The following DARS1 variants were observed in gnomAD, a reference collection of about 807,000 sequenced individuals.
DARS1 encodes aspartate--tRNA ligase, cytoplasmic.
DARS1 carries 51 observed loss-of-function variants against 68.8 expected under a neutral mutation model. The ratio of observed to expected loss-of-function variants is 0.74; its 90% CI spans 0.59 to 0.94. The LOEUF is 0.94. Ranked by LOEUF, DARS1 falls within the 40% of genes least tolerant of loss-of-function variation. The pLI, the probability that DARS1 is intolerant of heterozygous loss-of-function variation, is 0.00. For synonymous variants in DARS1, 203 were observed against 190.4 expected (o/e 1.07, Z -0.55); for missense variants, 607 against 597.3 (o/e 1.02, Z -0.17).
At position 135,922,931 on chromosome 2, in the gene DARS1, CATTT is replaced by C. The variant is rs1214484208; in HGVS notation, c.677-17_677-14del. On this transcript the variant is annotated splice_polypyrimidine_tract_variant and intron_variant, in intron 8 of 15. Coordinates refer to ENST00000264161, the MANE Select transcript of DARS1 (RefSeq NM_001349.4). ...CCTTCACTGGCAGCTGAAAGGTAAACATTTATATTTATATTATTATAATCAATTG... is the reference window on the plus strand; with the variant it reads ...CCTTCACTGGCAGCTGAAAGGTAAACATATTTATATTATTATAATCAATTG... 6.6e-7 allele frequency: 1 copy of C among 1,522,482 alleles called. No homozygotes were observed. The highest frequency in any genetic ancestry group is 8.8e-7 in the Non-Finnish European group (1 of 1,141,422). 94.3% of individuals were successfully genotyped at this position (1,522,482 alleles called of 1,614,324 possible). A position where few individuals can be genotyped will look rare whatever the true frequency, so the allele number is the denominator to read the frequency against.
chr2:135,914,348 C>T (rs916638129), intron 12 of DARS1, 121 bp downstream of exon 12: 18 of 688,706 alleles, frequency 2.6e-5, no homozygotes, highest in African/African-American at 1.2e-4. Flanking sequence ...TGTCCTTCTT[C>T]GGTTTTTATT....
At position 135,907,242 on chromosome 2, in the gene DARS1, C is replaced by CTTTTTTTTTTTTT. The variant is rs992435404; in HGVS notation, c.*61_*73dup. The CTTTTTTTTTTTTT allele has an allele frequency of 0.013, 5,852 of 452,616 alleles. 427 individuals carry two copies. Among genetic ancestry groups the CTTTTTTTTTTTTT allele is most frequent in the Admixed American group, 0.027 (591 of 21,586 alleles). The allele number at this position is 452,616 out of a possible 1,614,324, so 28.0% of individuals were successfully genotyped here. A position where few individuals can be genotyped will look rare whatever the true frequency, so the allele number is the denominator to read the frequency against. ...TACTGAAAAGAATAAGTGTGGCTTT[C>CTTTTTTTTTTTTT]TTTTTTTTTTTTTTTTTTTGAGGCA... On this transcript the variant is annotated 3_prime_UTR_variant, in exon 16 of 16. Transcript: ENST00000264161.
intron 5 of DARS1, among the ~76,000 whole-genome samples, chr2:135,934,852 T>C (rs1681432785): frequency 6.7e-6 from 1 of 148,878 alleles, no homozygotes; most frequent in Admixed American, 6.8e-5. Context: ...TGGAGTGCAA[T>C]GGTGTGGTCT....
At chr2:135,950,830 G>C (rs1681824262) in intron 4 of DARS1, among the ~76,000 whole-genome samples, 1 of 152,128 alleles carries the variant, frequency 6.6e-6, no homozygotes, top group Non-Finnish European at 1.5e-5. Flanking sequence ...ACTCTAGCCT[G>C]GTGTTAGATG....
chr2:135,909,505 ACT>A (rs936202858), intron 15 of DARS1, among the ~76,000 whole-genome samples: 3 of 152,160 alleles, frequency 2.0e-5, no homozygotes, highest in Non-Finnish European at 4.4e-5. Context: ...TTTAAAATCT[ACT>A]CTTTTAGCAA....
rs778980479 is a variant in DARS1, at chr2:135,932,854, AAAAAAG to A, written c.505-18_505-13del. ...GTAGCTCTTCCTTCCTAAAAAAAAA[AAAAAAG>A]AAAAGAAAAAAATAAATTTTACTAA... On this transcript the variant is annotated splice_polypyrimidine_tract_variant and intron_variant, in intron 6 of 15. Coordinates refer to ENST00000264161, the MANE Select transcript of DARS1 (RefSeq NM_001349.4). The A allele has an allele frequency of 5.1e-6, 6 of 1,185,798 alleles. No homozygotes were observed. In the South Asian group the frequency reaches 8.2e-5, roughly 16 times the overall value. The allele number at this position is 1,185,798 out of a possible 1,614,324, so 73.5% of individuals were successfully genotyped here.
At chr2:135,958,887 G>A (rs1050907162) in intron 4 of DARS1, among the ~76,000 whole-genome samples, 1 of 151,668 alleles carries the variant, frequency 6.6e-6, no homozygotes, top group Non-Finnish European at 1.5e-5. Flanking sequence ...TTATAATTTG[G>A]AACAGCTCAA....
intron 5 of DARS1, among the ~76,000 whole-genome samples, chr2:135,939,594 A>G (rs891447061): frequency 6.6e-6 from 1 of 152,220 alleles, no homozygotes; most frequent in African/African-American, 2.4e-5. Flanking sequence ...ATCACAATTA[A>G]AAGAACTAGA....
intron 14 of DARS1, 57 bp downstream of exon 14, chr2:135,911,325 T>C: frequency 1.2e-6 from 1 of 854,444 alleles, no homozygotes; most frequent in Non-Finnish European, 2.0e-6. Flanking sequence ...CTTTTAAATG[T>C]TTACAATGTA....
At position 135,940,072 on chromosome 2, in the gene DARS1, C is replaced by A. The variant is rs138768298; in HGVS notation, c.423+3306G>T. 8.4e-3 allele frequency among the ~76,000 whole-genome samples: 1,279 copies of A among 152,250 alleles called. 14 individuals are homozygous for A. The highest frequency in any genetic ancestry group is 0.027 in the African/African-American group (1,135 of 41,538). ...AGACGGATTCACAACTGAATTCTAC[C>A]AGAGATACAAAGAGGAGCTGGTACC... On this transcript the variant is annotated intron_variant, in intron 5 of 15. Transcript: ENST00000264161.
intron 7 of DARS1, among the ~76,000 whole-genome samples, chr2:135,926,201 TCAA>T (rs2104804851): frequency 6.6e-6 from 1 of 152,316 alleles, no homozygotes; most frequent in East Asian, 1.9e-4. Flanking sequence ...TAAACTCACT[TCAA>T]CATCTTGCTA....
intron 7 of DARS1, among the ~76,000 whole-genome samples, chr2:135,930,934 G>T (rs1681328437): frequency 6.6e-6 from 1 of 152,178 alleles, no homozygotes; most frequent in Non-Finnish European, 1.5e-5. Flanking sequence ...TGAGTGCTAT[G>T]TATGAAAAGG....
chr2:135,907,863 C>T (rs951980555), intron 15 of DARS1, among the ~76,000 whole-genome samples: 7 of 151,998 alleles, frequency 4.6e-5, no homozygotes, highest in East Asian at 3.9e-4. Context: ...GTGGACCCTA[C>T]GATAAAAAGC....
Position 135,952,302 on chromosome 2 carries a change from G to C in DARS1, c.321-8822C>G, listed in dbSNP as rs185172051. The stretch of plus-strand genomic sequence containing the variant: ...TTTTTTTTTAAATTGACACATAATT[G>C]TACATATTTATGAGGTACAGTGTGA... On this transcript the variant is annotated intron_variant, in intron 4 of 15. Transcript: ENST00000264161. Among the ~76,000 whole-genome samples the C allele has an allele frequency of 4.6e-4, 70 of 151,780 alleles. 3 individuals carry two copies. The East Asian group carries it at 8.5e-3, about 18-fold the overall frequency.
rs79121686 is a variant in DARS1 at position 135,937,296 on chromosome 2, T to C, written c.424-3306A>G. 7.6e-3 allele frequency among the ~76,000 whole-genome samples: 1,162 copies of C among 152,144 alleles called. 98 individuals are homozygous for C. In the East Asian group the frequency reaches 0.2, roughly 26 times the overall value. ...TAGAAACAAGGTTTCGCCATGTTGA[T>C]CAGGCTGGTTTTGAACTCCTGACCT... On this transcript the variant is annotated intron_variant, in intron 5 of 15. Transcript: ENST00000264161.
chr2:135,928,384 T>C (rs1681268506), intron 7 of DARS1, among the ~76,000 whole-genome samples: 1 of 152,142 alleles, frequency 6.6e-6, no homozygotes, highest in Non-Finnish European at 1.5e-5. Flanking sequence ...AAAAATCAGA[T>C]TTATGTAGAA....
chr2:135,929,507 C>T (rs1681296726), intron 7 of DARS1, among the ~76,000 whole-genome samples: 1 of 152,054 alleles, frequency 6.6e-6, no homozygotes, highest in African/African-American at 2.4e-5. Flanking sequence ...TATTGTATAG[C>T]TATTAAAATA....
intron 12 of DARS1, 109 bp downstream of exon 12, chr2:135,914,360 A>G: frequency 2.8e-6 from 2 of 713,426 alleles, no homozygotes; most frequent in Non-Finnish European, 4.9e-6. Context: ...GTTTTTATTT[A>G]TTCCAGAATC....
At chr2:135,909,538 A>G (rs1680854930) in intron 15 of DARS1, among the ~76,000 whole-genome samples, 1 of 152,186 alleles carries the variant, frequency 6.6e-6, no homozygotes, top group Admixed American at 6.5e-5. Flanking sequence ...GGAACAATGG[A>G]TCTCCAGAAC....
Sources: allele counts gnomAD v4.1 joint callset (sites outside exome capture counted in the v4.1 genomes callset), GRCh38; gene constraint gnomAD v4.1.1; transcripts MANE v1.5; gene names NCBI Gene and HGNC (gene_info 2026-07-23, HGNC 2026-07-21).